The following SPAG6 variants were observed in gnomAD, a reference collection of about 807,000 sequenced individuals.
The protein encoded by SPAG6 is sperm-associated antigen 6.
A neutral mutation model predicts 58.5 loss-of-function variants in SPAG6; 49 were observed. The observed-to-expected ratio is 0.84, with a 90% CI of 0.67 to 1.06. The LOEUF is 1.06. SPAG6 is among the 50% of genes least tolerant of loss of function. The pLI, the probability that SPAG6 is intolerant of heterozygous loss-of-function variation, is 0.00. For synonymous variants in SPAG6, 233 were observed against 225.6 expected, an observed-to-expected ratio of 1.03 and a Z score of -0.29; for missense variants, 560 against 611.3, an observed-to-expected ratio of 0.92 and a Z score of 0.89.
At chr10:22,346,147 T>A in intron 2 of SPAG6, 5 of 1,320,902 alleles carry the variant, frequency 3.8e-6, no homozygotes, top group Non-Finnish European at 4.9e-6. Context: ...CAAGTGCCAT[T>A]TTGCATGCCA....
At chr10:22,366,377 C>T (rs1165482079) in intron 3 of SPAG6, among the ~76,000 whole-genome samples, 1 of 152,036 alleles carries the variant, frequency 6.6e-6, no homozygotes, top group Non-Finnish European at 1.5e-5. Context: ...GAGACAGAAG[C>T]AGATTAGTGG....
At chr10:22,387,768 C>A in intron 5 of SPAG6, 55 bp from the exon 6 acceptor site, 2 of 1,528,612 alleles carry the variant, frequency 1.3e-6, no homozygotes, top group Non-Finnish European at 1.8e-6. Flanking sequence ...CATCTGAACT[C>A]TGTAGTGGAT....
chr10:22,407,073 T>G (rs1002365851), intron 9 of SPAG6, among the ~76,000 whole-genome samples: 89 of 152,134 alleles, frequency 5.9e-4, no homozygotes, highest in African/African-American at 1.8e-3. Flanking sequence ...CACACTGATG[T>G]GTCTTGACTC....
chr10:22,412,461 T>A, intron 10 of SPAG6: 1 of 1,528,744 alleles, frequency 6.5e-7, no homozygotes, highest in Non-Finnish European at 8.8e-7. Context: ...CTTTCCAGAG[T>A]TGCAAGTTTG....
In SPAG6 at chr10:22,385,533, G is replaced by A. The variant is rs576930344; in HGVS notation, c.473-1221G>A. On this transcript the variant is annotated intron_variant, in intron 4 of 10. Transcript: ENST00000376624. ...TAATTTGCAGAAGTGTGTCATTGGCGCCGAGCTGAATGAGCCTGTCACTTA... is the reference window on the plus strand; with the variant it reads ...TAATTTGCAGAAGTGTGTCATTGGCACCGAGCTGAATGAGCCTGTCACTTA... Among the ~76,000 whole-genome samples the A allele has an allele frequency of 1.1e-4, 17 of 152,238 alleles. No individual in the cohort carries two copies. The South Asian group carries it at 2.7e-3, about 24-fold the overall frequency.
intron 2 of SPAG6, among the ~76,000 whole-genome samples, chr10:22,356,606 T>C (rs1836875267): frequency 1.3e-5 from 2 of 152,362 alleles, no homozygotes; most frequent in African/African-American, 4.8e-5. Flanking sequence ...TATGAATTTA[T>C]TGAGGCTTCT....
rs1836515438 is a variant in SPAG6 at position 22,345,988 on chromosome 10, G to A, written c.121+170G>A. 6.5e-7 allele frequency: 1 copy of A among 1,548,804 alleles called. No homozygotes were observed. Among genetic ancestry groups the A allele is most frequent in the South Asian group, 1.2e-5 (1 of 83,232 alleles). ...TTGGGGGTCAGGCCGAGAGGGTGAAGCTTCCAGATGGTTGTGGGAGGTGCG... is the reference window on the plus strand; with the variant it reads ...TTGGGGGTCAGGCCGAGAGGGTGAAACTTCCAGATGGTTGTGGGAGGTGCG... On this transcript the variant is annotated intron_variant, in intron 2 of 10. Transcript: ENST00000376624. The surrounding 1 kb of genome is among the most constrained non-coding windows in gnomAD (Gnocchi z 6.3).
rs1367268911 is a variant in SPAG6, at chr10:22,345,717, C to A, written c.26-6C>A. The A allele has an allele frequency of 6.2e-7, 1 of 1,609,890 alleles. No homozygotes were observed. Among genetic ancestry groups the A allele is most frequent in the African/African-American group, 1.3e-5 (1 of 74,788 alleles). ...CGGTGGGCTCCACCGACTCTCTCTC[C>A]CGCAGTGTTCGAGCAATACCAGAAG... On this transcript the variant is annotated splice_region_variant and splice_polypyrimidine_tract_variant and intron_variant, in intron 1 of 10. Transcript: ENST00000376624. This position sits in a 1 kb window ranked among gnomAD's most constrained non-coding sequence, Gnocchi z 6.3.
intron 10 of SPAG6, among the ~76,000 whole-genome samples, chr10:22,412,056 A>G (rs1342231505): frequency 2.0e-5 from 3 of 151,984 alleles, no homozygotes; most frequent in Admixed American, 1.3e-4. Flanking sequence ...TCACCGTGTT[A>G]GCCAGGTTGG....
intron 9 of SPAG6, among the ~76,000 whole-genome samples, chr10:22,408,814 C>T (rs1834634946): frequency 6.6e-6 from 1 of 152,242 alleles, no homozygotes; most frequent in African/African-American, 2.4e-5. Flanking sequence ...ACCCTCCGAG[C>T]CATGTGTGGG....
chr10:22,408,751 A>T (rs1419966662), intron 9 of SPAG6, among the ~76,000 whole-genome samples: 2 of 152,280 alleles, frequency 1.3e-5, no homozygotes, highest in East Asian at 3.9e-4. Flanking sequence ...GCCGCCTTTC[A>T]GTTTGATCTC....
At position 22,391,767 on chromosome 10, in the gene SPAG6, G is replaced by A. The variant is rs758845111; in HGVS notation, c.1044G>A (p.Pro348=). 8.1e-6 allele frequency: 13 copies of A among 1,613,354 alleles called. No homozygotes were observed. The highest frequency in any genetic ancestry group is 6.7e-5 in the Admixed American group (4 of 59,864). ...PQLSVCLSEE[P]EDHIKAAAAW... is the part of the protein sequence containing the mutation. The stretch of plus-strand genomic sequence containing the variant: ...TGTCAGTCTGCTTGTCAGAAGAACC[G>A]GAAGATCATATTAAGGCTGCAGCTG... Residue 348 remains proline, a synonymous_variant, in exon 8 of 11, where the codon CCG becomes CCA. Coordinates refer to ENST00000376624, the MANE Select transcript of SPAG6 (RefSeq NM_012443.4).
intron 9 of SPAG6, among the ~76,000 whole-genome samples, chr10:22,404,547 TATAG>T (rs1411251171): frequency 9.5e-6 from 1 of 104,992 alleles, no homozygotes; most frequent in Non-Finnish European, 1.9e-5. Context: ...AGCCTTGTAG[TATAG>T]TTTGAAGTCA....
At chr10:22,381,039 G>C (rs1289392598) in intron 4 of SPAG6, among the ~76,000 whole-genome samples, 1 of 152,044 alleles carries the variant, frequency 6.6e-6, no homozygotes, top group Non-Finnish European at 1.5e-5. Context: ...CATATGTTTA[G>C]AGTAATCCTT....
At chr10:22,374,602 TAAAAA>T (rs764220934) in intron 4 of SPAG6, among the ~76,000 whole-genome samples, 3 of 97,146 alleles carry the variant, frequency 3.1e-5, no homozygotes, top group African/African-American at 1.2e-4. Context: ...ACCCTGTATG[TAAAAA>T]AAAAAAAAAA....
At chr10:22,356,544 C>T (rs774203258) in intron 2 of SPAG6, among the ~76,000 whole-genome samples, 5 of 152,198 alleles carry the variant, frequency 3.3e-5, no homozygotes, top group Non-Finnish European at 7.3e-5. Context: ...AAGTAAACTT[C>T]TTAGCTTTAT....
At chr10:22,378,055 C>CTTTTTTTTT (rs776198268) in intron 4 of SPAG6, among the ~76,000 whole-genome samples, 331 of 123,028 alleles carry the variant, frequency 2.7e-3, no homozygotes, top group African/African-American at 6.4e-3. Context: ...CTTTTCTTTT[C>CTTTTTTTTT]TTTTTTTTTT....
intron 2 of SPAG6, among the ~76,000 whole-genome samples, chr10:22,349,996 A>G (rs1383434305): frequency 6.6e-6 from 1 of 152,180 alleles, no homozygotes; most frequent in African/African-American, 2.4e-5. Flanking sequence ...TGATATGTAC[A>G]TGTGCTATGA....
chr10:22,395,395 T>C (rs1313307691), intron 8 of SPAG6, among the ~76,000 whole-genome samples: 1 of 152,214 alleles, frequency 6.6e-6, no homozygotes, highest in African/African-American at 2.4e-5. Context: ...CTCTTGTTAT[T>C]ATCTTTATTT....
Sources: allele counts gnomAD v4.1 joint callset (sites outside exome capture counted in the v4.1 genomes callset), GRCh38; gene constraint gnomAD v4.1.1; non-coding constraint Gnocchi (gnomAD v3.1); transcripts MANE v1.5; gene names NCBI Gene and HGNC (gene_info 2026-07-23, HGNC 2026-07-21).